The following TMTC1 variants were observed in gnomAD, a reference collection of about 807,000 sequenced individuals.
The protein encoded by TMTC1 is transmembrane O-mannosyltransferase targeting cadherins 1, also known as protein O-mannosyl-transferase TMTC1.
TMTC1 carries 73 observed loss-of-function variants against 104.8 expected under a neutral mutation model. The ratio of observed to expected loss-of-function variants is 0.70; its 90% CI spans 0.58 to 0.85. TMTC1 has a LOEUF of 0.85. Among genes scored for constraint, TMTC1 ranks in the 40% least tolerant of loss-of-function variants. The probability of loss-of-function intolerance (pLI) is 0.00; values close to 1 mark genes in which losing one functional copy is unlikely to be tolerated. For missense variants in TMTC1, 1,035 were observed against 1,096.1 expected, an observed-to-expected ratio of 0.94 and a Z score of 0.79; for synonymous variants, 434 against 428.7, an observed-to-expected ratio of 1.01 and a Z score of -0.15.
At chr12:29,692,039 A>G (rs1941283801) in intron 5 of TMTC1, among the ~76,000 whole-genome samples, 1 of 145,602 alleles carries the variant, frequency 6.9e-6, no homozygotes, top group African/African-American at 2.5e-5. Flanking sequence ...ACATTGTGAT[A>G]TAAATGAATG....
chr12:29,572,302 A>C, intron 8 of TMTC1, 84 bp from the exon 9 acceptor site: 2 of 1,185,398 alleles, frequency 1.7e-6, no homozygotes, highest in East Asian at 5.1e-5. Context: ...AGTTTCATGA[A>C]CCTGTATTTG....
chr12:29,563,793 A>G (rs1170433168), intron 9 of TMTC1, among the ~76,000 whole-genome samples: 2 of 152,210 alleles, frequency 1.3e-5, no homozygotes, highest in Admixed American at 6.5e-5. Context: ...GGCACACAGC[A>G]TTAAAGAGAA....
chr12:29,751,122 A>G (rs763541181), intron 5 of TMTC1, among the ~76,000 whole-genome samples: 6 of 152,236 alleles, frequency 3.9e-5, no homozygotes, highest in Non-Finnish European at 8.8e-5. Flanking sequence ...GAGACAGCCT[A>G]ATTTAGGGAG....
intron 3 of TMTC1, among the ~76,000 whole-genome samples, chr12:29,756,306 G>T (rs376923521): frequency 2.6e-5 from 4 of 152,176 alleles, no homozygotes; most frequent in African/African-American, 9.7e-5. Flanking sequence ...TGGTGCTTCA[G>T]TTCCCTTATG....
At chr12:29,588,265 C>T (rs182866638) in intron 7 of TMTC1, among the ~76,000 whole-genome samples, 1 of 152,252 alleles carries the variant, frequency 6.6e-6, no homozygotes, top group East Asian at 1.9e-4. Flanking sequence ...AAACAAAAAC[C>T]CAAACCAAAA....
chr12:29,538,458 T>A (rs1384940007), intron 10 of TMTC1, among the ~76,000 whole-genome samples: 2 of 152,184 alleles, frequency 1.3e-5, no homozygotes, highest in African/African-American at 4.8e-5. Flanking sequence ...AAGGAAGGTA[T>A]GGACTTTGAA....
At chr12:29,756,568 C>T (rs1326670890) in intron 3 of TMTC1, among the ~76,000 whole-genome samples, 1 of 152,094 alleles carries the variant, frequency 6.6e-6, no homozygotes, top group African/African-American at 2.4e-5. Context: ...TTTCTATGAG[C>T]ATATCTTAGG....
At chr12:29,622,910 C>T (rs149794044) in intron 6 of TMTC1, among the ~76,000 whole-genome samples, 261 of 152,270 alleles carry the variant, frequency 1.7e-3, no homozygotes, top group Non-Finnish European at 2.3e-3. Flanking sequence ...TCTTAAATTT[C>T]GTATGCCCTG....
rs1465612593 is a variant in TMTC1 at position 29,512,115 on chromosome 12, A to G, written c.2436T>C (p.Tyr812=). 1 of 1,604,944 alleles carries G rather than the reference A, an allele frequency of 6.2e-7. No individual in the cohort carries two copies. The highest frequency in any genetic ancestry group is 1.3e-5 in the African/African-American group (1 of 74,528). Reference sequence around the variant, plus strand: ...CTGGGTTTAGTTGCACAGCCACTCTATAGCTCTAAATAAATAAGAAATATC... The same window carrying G: ...CTGGGTTTAGTTGCACAGCCACTCTGTAGCTCTAAATAAATAAGAAATATC... ...QNLLDKAFES[Y]RVAVQLNPDQ... Residue 812 remains tyrosine, a synonymous_variant, in exon 17 of 18, where the codon TAT becomes TAC. Transcript: ENST00000539277.
intron 6 of TMTC1, among the ~76,000 whole-genome samples, chr12:29,619,710 C>G (rs538979873): frequency 6.6e-6 from 1 of 152,322 alleles, no homozygotes; most frequent in East Asian, 1.9e-4. Flanking sequence ...GTGATAGTTG[C>G]AATAGCCATT....
At chr12:29,629,764 C>A (rs1938201016) in intron 6 of TMTC1, among the ~76,000 whole-genome samples, 1 of 152,110 alleles carries the variant, frequency 6.6e-6, no homozygotes, top group South Asian at 2.1e-4. Context: ...TTGTATAACA[C>A]TGTAAATACA....
chr12:29,665,158 A>G (rs1317010679), intron 5 of TMTC1, among the ~76,000 whole-genome samples: 1 of 152,240 alleles, frequency 6.6e-6, no homozygotes, highest in African/African-American at 2.4e-5. Context: ...TTCAAAAAAA[A>G]AGAGAAAGGA....
At chr12:29,563,890 G>T (rs1403931122) in intron 9 of TMTC1, among the ~76,000 whole-genome samples, 1 of 152,170 alleles carries the variant, frequency 6.6e-6, no homozygotes, top group Admixed American at 6.5e-5. Flanking sequence ...AGAGCAGACA[G>T]AGCAGTAAAG....
intron 17 of TMTC1, among the ~76,000 whole-genome samples, chr12:29,508,616 C>G (rs1241808585): frequency 6.6e-6 from 1 of 152,028 alleles, no homozygotes; most frequent in East Asian, 1.9e-4. Context: ...CTCTGTAGCC[C>G]AGGCTGGAGT....
In TMTC1 at chr12:29,501,659, G is replaced by T. The variant is rs1232615084; in HGVS notation, c.*5187C>A. 3.3e-5 allele frequency: 5 copies of T among 152,098 alleles called. No homozygotes were observed. The highest frequency in any genetic ancestry group is 5.9e-5 in the Non-Finnish European group (4 of 68,018). The allele number at this position is 152,098 out of a possible 1,614,324, so 9.4% of individuals were successfully genotyped here. A position where few individuals can be genotyped will look rare whatever the true frequency, so the allele number is the denominator to read the frequency against. ...CAACGTGTACTACTGAGAATGCAAAGAAACTACTGGATTTTTAGAAATAGA... is the reference window on the plus strand; with the variant it reads ...CAACGTGTACTACTGAGAATGCAAATAAACTACTGGATTTTTAGAAATAGA... On this transcript the variant is annotated 3_prime_UTR_variant, in exon 18 of 18. Transcript: ENST00000539277.
chr12:29,686,695 T>C (rs966190640), intron 5 of TMTC1, among the ~76,000 whole-genome samples: 78 of 152,218 alleles, frequency 5.1e-4, no homozygotes, highest in African/African-American at 1.8e-3. Flanking sequence ...ACTGGGCTTT[T>C]CTCAATTTCA....
intron 6 of TMTC1, among the ~76,000 whole-genome samples, chr12:29,616,228 G>A (rs907433481): frequency 3.3e-5 from 5 of 152,282 alleles, no homozygotes; most frequent in Admixed American, 3.3e-4. Flanking sequence ...CATATTTTGA[G>A]AAATGCTGGT....
chr12:29,611,781 T>C (rs1046830688), intron 6 of TMTC1, among the ~76,000 whole-genome samples: 2 of 152,196 alleles, frequency 1.3e-5, no homozygotes, highest in East Asian at 1.9e-4. Context: ...CAAATTATTA[T>C]ATGTGTGTTT....
intron 7 of TMTC1, among the ~76,000 whole-genome samples, chr12:29,602,487 T>C (rs966900347): frequency 1.3e-5 from 2 of 152,194 alleles, no homozygotes; most frequent in African/African-American, 2.4e-5. Flanking sequence ...TTGGGTGCTA[T>C]TACTATTTCC....
Sources: gnomAD v4.1 joint callset for allele counts (sites outside exome capture counted in the v4.1 genomes callset) on GRCh38, gnomAD v4.1.1 for gene constraint, MANE v1.5 for transcripts, NCBI Gene and HGNC (gene_info 2026-07-23, HGNC 2026-07-21) for gene names.